RNASE9: variants seen among roughly 807,000 people sequenced by gnomAD.
RNASE9 encodes the protein ribonuclease A family member 9 (inactive).
For missense variants in RNASE9, 263 were observed against 247.1 expected (o/e 1.06, Z -0.43); for synonymous variants, 95 against 87.6 (o/e 1.08, Z -0.47).
At chr14:20,559,155 G>T (rs1319346277) in intron 2 of RNASE9, among the ~76,000 whole-genome samples, 2 of 151,284 alleles carry the variant, frequency 1.3e-5, no homozygotes, top group Non-Finnish European at 2.9e-5. Flanking sequence ...GTCTCACAGT[G>T]TTGCCTCGGC....
rs150583863 is a variant in RNASE9 at position 20,556,478 on chromosome 14, C to T, written c.592G>A (p.Asp198Asn). ...TAGGGCGATATGACAAAGACACCAT[C>T]CTCACTGAGGAAACTTCTGTGTTCA... The change falls in exon 3 of 3, where the codon GAT (aspartate) becomes AAT (asparagine). Residue 198 changes from aspartate to asparagine, a missense_variant. Physicochemically the swap from Asp to Asn is conservative, Grantham distance 23. Transcript: ENST00000555230. 1.9e-6 allele frequency: 3 copies of T among 1,612,204 alleles called. No individual in the cohort carries two copies. In the African/African-American group the frequency reaches 4.0e-5, roughly 22 times the overall value.
At chr14:20,560,065 G>A (rs1208275550) in intron 1 of RNASE9, among the ~76,000 whole-genome samples, 1 of 152,040 alleles carries the variant, frequency 6.6e-6, no homozygotes, top group Non-Finnish European at 1.5e-5. Context: ...ATAGTAAAAA[G>A]AAAAGATTGG....
chr14:20,557,227 A>C, exon 3 of RNASE9: 1 of 713,208 alleles, frequency 1.4e-6, no homozygotes, highest in Non-Finnish European at 2.3e-6. Context: ...ATCGATCTGA[A>C]TACTTCTAAA....
chr14:20,559,772 C>T (rs899774993), intron 1 of RNASE9, 139 bp from the exon 2 acceptor site: 1 of 152,162 alleles, frequency 6.6e-6, no homozygotes. Flanking sequence ...GTAGGGAAAA[C>T]GTTTGGCCCT....
chr14:20,556,763 A>G (rs1209059521), exon 3 of RNASE9: 2 of 1,613,818 alleles, frequency 1.2e-6, no homozygotes, highest in African/African-American at 1.3e-5. Context: ...AGAAGGAAGT[A>G]ATGTTCTGCC....
In RNASE9 at chr14:20,558,362, G is replaced by A. The variant is rs928545109; in HGVS notation, c.-1293C>T. On this transcript the variant is annotated 5_prime_UTR_variant, in exon 3 of 3. Coordinates refer to ENST00000555230, the Ensembl canonical transcript of RNASE9. ...GAGAATGATGGAATTAAAGAAAGGT[G>A]GGTGTTGGGGAACACATCAGAAAGT... 9 of 655,964 alleles carry A rather than the reference G, an allele frequency of 1.4e-5. No individual in the cohort carries two copies. The African/African-American group carries it at 1.5e-4, about 11-fold the overall frequency. The allele number at this position is 655,964 out of a possible 1,614,324, so 40.6% of individuals were successfully genotyped here. A position where few individuals can be genotyped will look rare whatever the true frequency, so the allele number is the denominator to read the frequency against.
At chr14:20,556,754 G>A in exon 3 of RNASE9, 1 of 1,613,914 alleles carries the variant, frequency 6.2e-7, no homozygotes, top group Non-Finnish European at 8.5e-7. Flanking sequence ...TATTGCATAA[G>A]AAGGAAGTAA....
At chr14:20,557,399 G>A in exon 3 of RNASE9, 1 of 254,648 alleles carries the variant, frequency 3.9e-6, no homozygotes, top group Admixed American at 4.8e-5. Flanking sequence ...TAAGGAGAGA[G>A]GGAAGGAGAA....
chr14:20,556,556 T>C, exon 3 of RNASE9: 1 of 1,613,956 alleles, frequency 6.2e-7, no homozygotes, highest in Non-Finnish European at 8.5e-7. Flanking sequence ...TGCATTTCAT[T>C]TTGCCATGAA....
chr14:20,557,112 T>C, exon 3 of RNASE9: 1 of 1,552,892 alleles, frequency 6.4e-7, no homozygotes, highest in Non-Finnish European at 8.7e-7. Flanking sequence ...TATGTTCTAT[T>C]GTGATAATGT....
intron 1 of RNASE9, 26 bp from the exon 2 acceptor site, chr14:20,559,659 T>C (rs1286460086): frequency 6.6e-6 from 1 of 152,218 alleles, no homozygotes; most frequent in African/African-American, 2.4e-5. Context: ...GAAATTTGCA[T>C]TTTAAACAAA....
chr14:20,558,454 G>A, exon 3 of RNASE9: 1 of 891,756 alleles, frequency 1.1e-6, no homozygotes, highest in South Asian at 1.4e-5. Flanking sequence ...GCCTAAAATG[G>A]CGATGTGAGA....
chr14:20,556,328 A>G, exon 3 of RNASE9: 1 of 712,874 alleles, frequency 1.4e-6, no homozygotes, highest in Non-Finnish European at 2.3e-6. Context: ...GTGTTGGGAA[A>G]GGAAGAAAGG....
At chr14:20,557,191 G>A (rs80081218) in exon 3 of RNASE9, 1 of 1,096,326 alleles carries the variant, frequency 9.1e-7, no homozygotes, top group Non-Finnish European at 1.3e-6. Context: ...TAAGATTTTG[G>A]ACCATTTTTA....
exon 3 of RNASE9, chr14:20,557,397 G>A: frequency 3.9e-6 from 1 of 256,424 alleles, no homozygotes; most frequent in Non-Finnish European, 7.4e-6. Flanking sequence ...ATTAAGGAGA[G>A]AGGGAAGGAG....
chr14:20,558,609 A>G, exon 3 of RNASE9: 1 of 1,549,792 alleles, frequency 6.5e-7, no homozygotes, highest in East Asian at 2.4e-5. Context: ...AGAGCTCGGA[A>G]CATACTCTCA....
At chr14:20,560,759 CAAG>C (rs1293346763) in intron 1 of RNASE9, 112 bp downstream of exon 1, 17 of 151,790 alleles carry the variant, frequency 1.1e-4, no homozygotes, top group African/African-American at 3.9e-4. Context: ...ATCTGAGAAA[CAAG>C]GAGAATAGAA....
exon 3 of RNASE9, chr14:20,556,983 C>T: frequency 6.2e-7 from 1 of 1,614,010 alleles, no homozygotes; most frequent in Non-Finnish European, 8.5e-7. Context: ...AATCTGTATC[C>T]ACCTCTTGAA....
At chr14:20,557,262 G>A (rs1205034630) in exon 3 of RNASE9, 2 of 595,356 alleles carry the variant, frequency 3.4e-6, no homozygotes, top group Non-Finnish European at 5.8e-6. Flanking sequence ...GACCTTACTA[G>A]GCCTACAGTC....
Sources: gnomAD v4.1 joint callset for allele counts (sites outside exome capture counted in the v4.1 genomes callset) on GRCh38, gnomAD v4.1.1 for gene constraint, MANE v1.5 for transcripts, NCBI Gene and HGNC (gene_info 2026-07-23, HGNC 2026-07-21) for gene names.